POLDIP3: variants seen among roughly 807,000 people sequenced by gnomAD.
POLDIP3 encodes the protein DNA polymerase delta interacting protein 3.
In POLDIP3, 14 loss-of-function variants were observed where a neutral mutation model predicts 45.1. The observed-to-expected ratio is 0.31, with a 90% CI of 0.20 to 0.49. The LOEUF (loss-of-function observed/expected upper bound fraction) is 0.49. POLDIP3 is among the 20% of genes least tolerant of loss of function. The pLI, the probability that POLDIP3 is intolerant of heterozygous loss-of-function variation, is 0.99. For missense variants in POLDIP3, 511 were observed against 538.8 expected (o/e 0.95, Z 0.51); for synonymous variants, 223 against 205.2 (o/e 1.09, Z -0.74).
At chr22:42,605,281 C>T (rs1926652274) in intron 1 of POLDIP3, among the ~76,000 whole-genome samples, 1 of 152,236 alleles carries the variant, frequency 6.6e-6, no homozygotes, top group East Asian at 1.9e-4. Context: ...GCGCCCGCCA[C>T]CACGGCCGGC....
chr22:42,592,367 A>G (rs1220146192), intron 6 of POLDIP3, among the ~76,000 whole-genome samples: 1 of 152,268 alleles, frequency 6.6e-6, no homozygotes, highest in East Asian at 1.9e-4. Flanking sequence ...CCACCTCAAC[A>G]GGGATAAAAC....
intron 6 of POLDIP3, among the ~76,000 whole-genome samples, chr22:42,593,683 G>A (rs529038743): frequency 3.3e-5 from 5 of 152,218 alleles, no homozygotes; most frequent in South Asian, 4.1e-4. Flanking sequence ...CACGCCTGGC[G>A]AATTTTTCTG....
chr22:42,595,674 G>GA, intron 5 of POLDIP3, 60 bp from the exon 6 acceptor site: 1 of 1,499,942 alleles, frequency 6.7e-7, no homozygotes, highest in Non-Finnish European at 9.3e-7. Flanking sequence ...TCCCACAACA[G>GA]AAATTCCTCC....
At chr22:42,595,730 A>ACC (rs1278557972) in intron 5 of POLDIP3, 116 bp from the exon 6 acceptor site, 34 of 883,568 alleles carry the variant, frequency 3.8e-5, no homozygotes, top group Non-Finnish European at 6.1e-5. Context: ...ATGGAGAGTT[A>ACC]CCACAAATGG....
At chr22:42,591,558 T>C (rs1925670801) in intron 7 of POLDIP3, among the ~76,000 whole-genome samples, 1 of 152,066 alleles carries the variant, frequency 6.6e-6, no homozygotes, top group Non-Finnish European at 1.5e-5. Context: ...AGTCTGTTGT[T>C]TACCCACCAG....
intron 1 of POLDIP3, among the ~76,000 whole-genome samples, chr22:42,608,453 A>C (rs547652595): frequency 2.6e-4 from 39 of 152,058 alleles, no homozygotes; most frequent in South Asian, 1.9e-3. Flanking sequence ...ACAAAAAAAA[A>C]CCACCACCAC....
rs199741983 is a variant in POLDIP3 at position 42,585,871 on chromosome 22, C to G, written c.1186G>C (p.Asp396His). The G allele has an allele frequency of 2.5e-6, 4 of 1,613,312 alleles. No homozygotes were observed. The highest frequency in any genetic ancestry group is 1.1e-5 in the South Asian group (1 of 91,042). ...SSNPPAEVDP[D>H]TILKALFKSS... ...TTGAAGAGTGCCTTCAGGATGGTGT[C>G]AGGGTCCACTTCGGCAGGGGGGTTG... The change falls in exon 9 of 9, where the codon GAC becomes CAC. Residue 396 changes from aspartate (D) to histidine (H), a missense_variant. This residue lies in a region of POLDIP3 where 22 missense variants were observed against 34.1 expected (regional missense o/e 0.64). Transcript: ENST00000252115.
intron 8 of POLDIP3, 131 bp from the exon 9 acceptor site, chr22:42,586,099 T>G: frequency 1.3e-6 from 1 of 797,222 alleles, no homozygotes. Context: ...CTTCATCTCA[T>G]TCCACCTCGC....
rs1291144217 is a variant in POLDIP3, at chr22:42,583,846, A to T, written c.*1945T>A. ...GGTAACATAGAGGCATGGGAAGTGGAGGAGGACACAGGACTAGCCCACCAC... is the reference window on the plus strand; with the variant it reads ...GGTAACATAGAGGCATGGGAAGTGGTGGAGGACACAGGACTAGCCCACCAC... On this transcript the variant is annotated 3_prime_UTR_variant, in exon 9 of 9. Transcript: ENST00000252115. 2 of 152,594 alleles carry T rather than the reference A, an allele frequency of 1.3e-5. No homozygotes were observed. Among genetic ancestry groups the T allele is most frequent in the African/African-American group, 4.8e-5 (2 of 41,394 alleles). 9.5% of individuals were successfully genotyped at this position (152,594 alleles called of 1,614,324 possible). A position where few individuals can be genotyped will look rare whatever the true frequency, so the allele number is the denominator to read the frequency against.
At chr22:42,587,469 A>G (rs760292786) in intron 8 of POLDIP3, 37 bp downstream of exon 8, 95 of 1,570,188 alleles carry the variant, frequency 6.1e-5, no homozygotes, top group Non-Finnish European at 8.2e-5. Flanking sequence ...AGATGGACGG[A>G]GCTGCCTCTC....
intron 1 of POLDIP3, among the ~76,000 whole-genome samples, chr22:42,607,159 C>G (rs910388565): frequency 6.6e-6 from 1 of 152,186 alleles, no homozygotes; most frequent in African/African-American, 2.4e-5. Context: ...CCTCTGATGC[C>G]GAGCCGAGGC....
chr22:42,596,550 G>A lies in POLDIP3; in HGVS notation c.634-185C>T, dbSNP rs145465947. On this transcript the variant is annotated intron_variant, in intron 4 of 8. Coordinates refer to ENST00000252115, the MANE Select transcript of POLDIP3 (RefSeq NM_032311.5). ...GACATCCCATAGGGAAGGGGCAGGG[G>A]GAGAGAAAAACACACAGCCTGAACG... Among the ~76,000 whole-genome samples the A allele has an allele frequency of 2.0e-5, 3 of 152,214 alleles. No individual in the cohort carries two copies. In the East Asian group the frequency reaches 5.8e-4, roughly 29 times the overall value.
intron 1 of POLDIP3, among the ~76,000 whole-genome samples, chr22:42,607,183 C>T (rs1009807248): frequency 5.3e-5 from 8 of 152,224 alleles, no homozygotes; most frequent in African/African-American, 1.7e-4. Context: ...ACTGTACTGC[C>T]GCCATCTCGG....
At chr22:42,610,445 G>A (rs890982092) in intron 1 of POLDIP3, among the ~76,000 whole-genome samples, 10 of 152,256 alleles carry the variant, frequency 6.6e-5, no homozygotes, top group South Asian at 2.1e-4. Flanking sequence ...CAGATGAGGC[G>A]TCTGGCCCAG....
intron 7 of POLDIP3, among the ~76,000 whole-genome samples, chr22:42,588,067 C>A (rs1925423622): frequency 6.6e-6 from 1 of 152,086 alleles, no homozygotes; most frequent in South Asian, 2.1e-4. Flanking sequence ...GTAACATTTC[C>A]ATATCTTACT....
chr22:42,596,433 T>G (rs767484854), intron 4 of POLDIP3, 68 bp from the exon 5 acceptor site: 7 of 1,467,952 alleles, frequency 4.8e-6, no homozygotes, highest in Non-Finnish European at 6.5e-6. Flanking sequence ...CCCCAAGAGG[T>G]TGACAACTTG....
chr22:42,596,318 G>C lies in POLDIP3; in HGVS notation c.681C>G (p.Leu227=). ...SKLSMSKALP[L]TKVVQNDAYT... ...ATGCATCATTCTGAACCACTTTGGT[G>C]AGAGGGAGGGCCTTGGACATGGAAA... Residue 227 remains leucine (L), a synonymous_variant, in exon 5 of 9, where the codon CTC becomes CTG. Coordinates refer to ENST00000252115, the MANE Select transcript of POLDIP3 (RefSeq NM_032311.5). 2 of 1,614,168 alleles carry C rather than the reference G, an allele frequency of 1.2e-6. No individual in the cohort carries two copies. Among genetic ancestry groups the C allele is most frequent in the Non-Finnish European group, 1.7e-6 (2 of 1,179,986 alleles).
intron 1 of POLDIP3, among the ~76,000 whole-genome samples, chr22:42,608,266 A>ACC (rs1926899920): frequency 7.9e-6 from 1 of 126,892 alleles, no homozygotes; most frequent in Non-Finnish European, 1.6e-5. Context: ...CCCCCCCCCA[A>ACC]AAAAAAATTA....
chr22:42,600,395 G>A (rs137105), intron 3 of POLDIP3, among the ~76,000 whole-genome samples: 7 of 152,112 alleles, frequency 4.6e-5, no homozygotes, highest in Non-Finnish European at 8.8e-5. Flanking sequence ...GGGAGGCCGA[G>A]GAGGGCGGAT....
Sources: allele counts gnomAD v4.1 joint callset (sites outside exome capture counted in the v4.1 genomes callset), GRCh38; gene constraint gnomAD v4.1.1; regional missense constraint gnomAD v4.1.1; transcripts MANE v1.5; gene names NCBI Gene and HGNC (gene_info 2026-07-23, HGNC 2026-07-21).